The following CCDC192 variants were observed in gnomAD, a reference collection of about 807,000 sequenced individuals.
CCDC192 encodes coiled-coil domain-containing protein 192.
chr5:127,806,482 C>G (rs1356121), intron 5 of CCDC192, among the ~76,000 whole-genome samples: 117,356 of 152,048 alleles, frequency 0.77, 45,401 homozygotes, highest in East Asian at 0.9. Context: ...GGACACAGGG[C>G]GTAGACATTT....
chr5:127,724,543 G>C (rs147680387), intron 2 of CCDC192, among the ~76,000 whole-genome samples: 171 of 152,082 alleles, frequency 1.1e-3, no homozygotes, highest in African/African-American at 4.0e-3. Flanking sequence ...GGTTGGAATT[G>C]GTTTGTGGTT....
At chr5:127,871,643 G>T (rs1439008672) in intron 5 of CCDC192, among the ~76,000 whole-genome samples, 3 of 152,014 alleles carry the variant, frequency 2.0e-5, no homozygotes, top group Admixed American at 2.0e-4. Context: ...TAATTGCCAC[G>T]GTTTAAAGTA....
intron 5 of CCDC192, among the ~76,000 whole-genome samples, chr5:127,874,042 C>G (rs1465243969): frequency 1.3e-5 from 2 of 152,174 alleles, no homozygotes; most frequent in Non-Finnish European, 2.9e-5. Flanking sequence ...GTCTTCATGA[C>G]TTGGAGGCAG....
At chr5:127,869,558 T>G (rs1221892292) in intron 5 of CCDC192, among the ~76,000 whole-genome samples, 1 of 152,224 alleles carries the variant, frequency 6.6e-6, no homozygotes. Flanking sequence ...ATCCCAAGTG[T>G]AAGGTTATCC....
chr5:127,722,494 T>G (rs1312960372), intron 2 of CCDC192, among the ~76,000 whole-genome samples: 4 of 152,198 alleles, frequency 2.6e-5, no homozygotes, highest in Non-Finnish European at 5.9e-5. Flanking sequence ...TTTGCTTTAG[T>G]TCCCTGTGCT....
chr5:127,755,952 G>A (rs982351127), intron 3 of CCDC192, among the ~76,000 whole-genome samples: 3 of 151,998 alleles, frequency 2.0e-5, no homozygotes, highest in Admixed American at 6.6e-5. Flanking sequence ...CTAACATGGC[G>A]AAAGCCCGTT....
chr5:127,901,260 A>T (rs1400002410), intron 6 of CCDC192, among the ~76,000 whole-genome samples: 8 of 152,204 alleles, frequency 5.3e-5, no homozygotes, highest in Admixed American at 2.0e-4. Context: ...TTAAATCATG[A>T]CATTGCTAGG....
chr5:127,871,614 C>T (rs775579918), intron 5 of CCDC192, among the ~76,000 whole-genome samples: 4 of 152,190 alleles, frequency 2.6e-5, no homozygotes, highest in Non-Finnish European at 5.9e-5. Context: ...TTAGAAATGT[C>T]ATGTGCCAGG....
intron 2 of CCDC192, among the ~76,000 whole-genome samples, chr5:127,735,781 A>G (rs1299155312): frequency 7.6e-6 from 1 of 132,280 alleles, no homozygotes; most frequent in African/African-American, 3.2e-5. Flanking sequence ...TTGATTTTGT[A>G]TCCTGAGACT....
chr5:127,841,515 A>G (rs922084364), intron 5 of CCDC192, among the ~76,000 whole-genome samples: 1 of 152,126 alleles, frequency 6.6e-6, no homozygotes, highest in Non-Finnish European at 1.5e-5. Context: ...CAATCTTTCA[A>G]GTTTTCATAA....
chr5:127,870,778 A>T (rs1438869707), intron 5 of CCDC192, among the ~76,000 whole-genome samples: 1 of 152,264 alleles, frequency 6.6e-6, no homozygotes, highest in East Asian at 1.9e-4. Flanking sequence ...TCCTGAGGGT[A>T]TATAAATACG....
chr5:127,839,835 T>C (rs1167108432), intron 5 of CCDC192, among the ~76,000 whole-genome samples: 1 of 151,984 alleles, frequency 6.6e-6, no homozygotes, highest in African/African-American at 2.4e-5. Context: ...AAATAAGAGT[T>C]TTTAAAAATA....
chr5:127,735,245 C>G (rs1252212385), intron 2 of CCDC192, among the ~76,000 whole-genome samples: 1 of 98,158 alleles, frequency 1.0e-5, no homozygotes, highest in Non-Finnish European at 2.0e-5. Context: ...TGTAGATATG[C>G]GGCGTTATTT....
intron 2 of CCDC192, among the ~76,000 whole-genome samples, chr5:127,722,888 T>C (rs1054580446): frequency 1.3e-5 from 2 of 152,188 alleles, no homozygotes. Flanking sequence ...AGTCAGGTAA[T>C]GTGATTCCTC....
At chr5:127,717,827 C>A (rs1041022931) in intron 2 of CCDC192, among the ~76,000 whole-genome samples, 1 of 150,530 alleles carries the variant, frequency 6.6e-6, no homozygotes, top group Non-Finnish European at 1.5e-5. Flanking sequence ...GTCACATAGT[C>A]CCAAAAACTT....
At chr5:127,847,045 A>G (rs1460819220) in intron 5 of CCDC192, among the ~76,000 whole-genome samples, 4 of 152,124 alleles carry the variant, frequency 2.6e-5, no homozygotes, top group Admixed American at 1.3e-4. Flanking sequence ...GTTATTTCCA[A>G]ATGTCCATCC....
chr5:127,757,894 T>C (rs531046568), intron 3 of CCDC192, among the ~76,000 whole-genome samples: 2 of 151,704 alleles, frequency 1.3e-5, no homozygotes, highest in African/African-American at 4.8e-5. Flanking sequence ...TAAGGCTTTT[T>C]CTAAATGTCA....
intron 5 of CCDC192, among the ~76,000 whole-genome samples, chr5:127,805,592 T>A (rs139428249): frequency 6.6e-6 from 1 of 152,328 alleles, no homozygotes; most frequent in East Asian, 1.9e-4. Flanking sequence ...CAATGAGGAA[T>A]AGGGAAATTC....
chr5:127,783,219 C>T (rs1436149321), intron 3 of CCDC192, among the ~76,000 whole-genome samples: 2 of 152,128 alleles, frequency 1.3e-5, no homozygotes, highest in Non-Finnish European at 2.9e-5. Context: ...TGGTCTCGAA[C>T]TCCTGACCTT....
Sources: gnomAD v4.1 joint callset for allele counts (sites outside exome capture counted in the v4.1 genomes callset) on GRCh38, gnomAD v4.1.1 for gene constraint, MANE v1.5 for transcripts, NCBI Gene and HGNC (gene_info 2026-07-23, HGNC 2026-07-21) for gene names.